Variants in MACROD2 observed in about 807,000 individuals in gnomAD.
MACROD2 encodes the protein ADP-ribose glycohydrolase MACROD2.
In MACROD2, 36 loss-of-function variants were observed where a neutral mutation model predicts 70.4. The observed-to-expected ratio is 0.51, with a 90% CI of 0.39 to 0.68. The LOEUF (loss-of-function observed/expected upper bound fraction) is 0.68. Among genes scored for constraint, MACROD2 ranks in the 30% least tolerant of loss-of-function variants. MACROD2 has a pLI of 0.00. For synonymous variants in MACROD2, 172 were observed against 178.8 expected (o/e 0.96, Z 0.30); for missense variants, 496 against 538.4 (o/e 0.92, Z 0.78).
intron 8 of MACROD2, among the ~76,000 whole-genome samples, chr20:15,688,484 C>T (rs1222504353): frequency 2.0e-5 from 3 of 152,108 alleles, no homozygotes; most frequent in African/African-American, 7.2e-5. Flanking sequence ...AGTGAACATG[C>T]TTTGAGATGT....
At chr20:14,854,364 T>C (rs974964494) in intron 5 of MACROD2, among the ~76,000 whole-genome samples, 1 of 152,208 alleles carries the variant, frequency 6.6e-6, no homozygotes, top group Non-Finnish European at 1.5e-5. Flanking sequence ...GTTAATTATA[T>C]AGCTTTGTAA....
At chr20:15,796,668 C>T (rs1285669646) in intron 8 of MACROD2, among the ~76,000 whole-genome samples, 1 of 152,148 alleles carries the variant, frequency 6.6e-6, no homozygotes, top group East Asian at 1.9e-4. Context: ...GAGTGCCGGG[C>T]ATTTGGCAAA....
chr20:14,467,565 C>T (rs1256893528), intron 3 of MACROD2, among the ~76,000 whole-genome samples: 1 of 152,068 alleles, frequency 6.6e-6, no homozygotes, highest in Non-Finnish European at 1.5e-5. Flanking sequence ...TCTGGCACTC[C>T]CCAGTGAGGT....
At chr20:15,391,164 A>T (rs886692865) in intron 6 of MACROD2, among the ~76,000 whole-genome samples, 2 of 152,212 alleles carry the variant, frequency 1.3e-5, no homozygotes, top group Non-Finnish European at 2.9e-5. Context: ...AGCAGCTCAA[A>T]GACTCCTGCC....
chr20:15,007,399 G>A (rs1028470630), intron 5 of MACROD2, among the ~76,000 whole-genome samples: 18 of 151,454 alleles, frequency 1.2e-4, no homozygotes, highest in African/African-American at 4.4e-4. Context: ...ACACAAAAAA[G>A]CCCAGGAGAA....
intron 6 of MACROD2, among the ~76,000 whole-genome samples, chr20:15,334,189 A>G (rs1044738115): frequency 1.3e-5 from 2 of 151,664 alleles, no homozygotes; most frequent in Admixed American, 1.3e-4. Context: ...AAAGATGTCA[A>G]CTAGCTTTCT....
At chr20:14,722,937 G>C (rs957255965) in intron 5 of MACROD2, among the ~76,000 whole-genome samples, 4 of 152,090 alleles carry the variant, frequency 2.6e-5, no homozygotes, top group Non-Finnish European at 4.4e-5. Context: ...TGACTTGTCA[G>C]CTTATATTAA....
intron 8 of MACROD2, among the ~76,000 whole-genome samples, chr20:15,714,205 G>C (rs963686300): frequency 6.6e-6 from 1 of 152,052 alleles, no homozygotes; most frequent in Non-Finnish European, 1.5e-5. Context: ...CCTTGGCAAG[G>C]GCCAACCACA....
intron 5 of MACROD2, among the ~76,000 whole-genome samples, chr20:14,942,625 A>T (rs990488691): frequency 6.6e-5 from 10 of 152,200 alleles, no homozygotes; most frequent in Admixed American, 6.6e-4. Flanking sequence ...AGCATTGGTG[A>T]CAGCTTCATG....
At chr20:14,070,553 A>G (rs1426817957) in intron 2 of MACROD2, among the ~76,000 whole-genome samples, 2 of 152,014 alleles carry the variant, frequency 1.3e-5, no homozygotes, top group African/African-American at 4.8e-5. Context: ...ATTTCTATAG[A>G]TATTTGTGGG....
At chr20:14,953,854 A>G (rs914104736) in intron 5 of MACROD2, among the ~76,000 whole-genome samples, 1 of 152,152 alleles carries the variant, frequency 6.6e-6, no homozygotes, top group Non-Finnish European at 1.5e-5. Context: ...TTGTCAGCCA[A>G]TTCATAAGGA....
In MACROD2 at chr20:15,257,654, T is replaced by G. The variant is rs527982816; in HGVS notation, c.540+27593T>G. Reference sequence around the variant, plus strand: ...AGTCATGTGTTTTTGGTGATGCTGGTGTAAGCAAACCATTCTGTGCTGTCA... The same window carrying G: ...AGTCATGTGTTTTTGGTGATGCTGGGGTAAGCAAACCATTCTGTGCTGTCA... On this transcript the variant is annotated intron_variant, in intron 6 of 17. Coordinates refer to ENST00000684519, the MANE Select transcript of MACROD2 (RefSeq NM_001351661.2). 2.2e-4 allele frequency among the ~76,000 whole-genome samples: 34 copies of G among 152,210 alleles called. 1 individual carries two copies. The South Asian group carries it at 5.6e-3, about 25-fold the overall frequency.
At chr20:15,113,190 C>A (rs1415236345) in intron 5 of MACROD2, among the ~76,000 whole-genome samples, 1 of 151,006 alleles carries the variant, frequency 6.6e-6, no homozygotes, top group Non-Finnish European at 1.5e-5. Context: ...TGAGGAAATG[C>A]AATACATTTT....
At chr20:15,530,136 C>A (rs76253677) in intron 8 of MACROD2, among the ~76,000 whole-genome samples, 3,476 of 152,156 alleles carry the variant, frequency 0.023, 126 homozygotes, top group African/African-American at 0.079. Flanking sequence ...CATATTTTAA[C>A]CCTTCTTTGG....
intron 10 of MACROD2, 100 bp from the exon 11 acceptor site, chr20:15,933,176 A>T: frequency 8.7e-7 from 1 of 1,154,732 alleles, no homozygotes; most frequent in Non-Finnish European, 1.3e-6. Context: ...GAGTCATGCT[A>T]CATTGGTTAC....
chr20:14,792,321 AT>A (rs1226880179), intron 5 of MACROD2, among the ~76,000 whole-genome samples: 1 of 152,092 alleles, frequency 6.6e-6, no homozygotes, highest in Non-Finnish European at 1.5e-5. Context: ...CAGAACATAT[AT>A]TTCTTCTGAA....
chr20:14,619,475 GAAA>G (rs1187293728), intron 4 of MACROD2, among the ~76,000 whole-genome samples: 9 of 90,848 alleles, frequency 9.9e-5, no homozygotes, highest in Non-Finnish European at 1.1e-4. Context: ...AAGGAAGGAG[GAAA>G]GGAAGGAAGG....
At chr20:14,481,848 A>T (rs2084667469) in intron 3 of MACROD2, among the ~76,000 whole-genome samples, 1 of 152,194 alleles carries the variant, frequency 6.6e-6, no homozygotes, top group African/African-American at 2.4e-5. Context: ...TATTTGGAGG[A>T]TTAAGATATC....
chr20:15,740,939 T>TAGTGAGGAGTG (rs2051095617), intron 8 of MACROD2, among the ~76,000 whole-genome samples: 1 of 151,900 alleles, frequency 6.6e-6, no homozygotes, highest in Admixed American at 6.6e-5. Flanking sequence ...TTCCTCCCAG[T>TAGTGAGGAGTG]CTCCTTTCAA....
Sources: gnomAD v4.1 joint callset for allele counts (sites outside exome capture counted in the v4.1 genomes callset) on GRCh38, gnomAD v4.1.1 for gene constraint, MANE v1.5 for transcripts, NCBI Gene and HGNC (gene_info 2026-07-23, HGNC 2026-07-21) for gene names.